The following HKDC1 variants were observed in gnomAD, a reference collection of about 807,000 sequenced individuals.
The protein encoded by HKDC1 is hexokinase HKDC1.
In HKDC1, 66 loss-of-function variants were observed where a neutral mutation model predicts 96.6. That is an observed-to-expected ratio of 0.68 (90% CI 0.56 to 0.84). The LOEUF is 0.84. HKDC1 is among the 40% of genes least tolerant of loss of function. The pLI is 0.00. For missense variants in HKDC1, 1,211 were observed against 1,208.1 expected (o/e 1.00, Z -0.04); for synonymous variants, 466 against 473.1 (o/e 0.98, Z 0.20).
chr10:69,220,610 C>G, intron 1 of HKDC1, 112 bp downstream of exon 1: 1 of 691,808 alleles, frequency 1.4e-6, no homozygotes, highest in Non-Finnish European at 2.3e-6. Flanking sequence ...AGAAAAGATA[C>G]TGGGAGCATA....
rs569608023 is a variant in HKDC1 at position 69,258,831 on chromosome 10, G to C, written c.2088G>C (p.Glu696Asp). The C allele has an allele frequency of 2.5e-6, 4 of 1,613,862 alleles. No homozygotes were observed. In the South Asian group the frequency reaches 3.3e-5, roughly 13 times the overall value. The change falls in exon 15 of 18, where the codon GAG becomes GAC. Residue 696 changes from glutamate to aspartate, a missense_variant. Transcript: ENST00000354624. Reference protein sequence around the residue: ...MEDMRNIEMVEGGEGKMCINT... With the variant: ...MEDMRNIEMVDGGEGKMCINT... ...ACATGAGGAACATCGAGATGGTGGAGGGGGGTGAAGGGAAGATGTGCATCA... is the reference window on the plus strand; with the variant it reads ...ACATGAGGAACATCGAGATGGTGGACGGGGGTGAAGGGAAGATGTGCATCA...
intron 10 of HKDC1, chr10:69,249,020 C>T: frequency 3.6e-6 from 1 of 278,086 alleles, no homozygotes; most frequent in East Asian, 6.7e-5. Context: ...CCCCGACCCC[C>T]AGATCCTGAC....
At chr10:69,259,113 A>G (rs1375318035) in intron 15 of HKDC1, among the ~76,000 whole-genome samples, 154 bp downstream of exon 15, 1 of 152,228 alleles carries the variant, frequency 6.6e-6, no homozygotes, top group Non-Finnish European at 1.5e-5. Flanking sequence ...AAATATGATG[A>G]CAAGTTTGCA....
rs558268145 is a variant in HKDC1, at chr10:69,251,147, T to C, written c.1836+495T>C. Among the ~76,000 whole-genome samples, 3 of 140,392 alleles carry C rather than the reference T, an allele frequency of 2.1e-5. No individual in the cohort carries two copies. The East Asian group carries it at 6.2e-4, about 29-fold the overall frequency. 92.1% of individuals were successfully genotyped at this position (140,392 alleles called of 152,430 possible). On this transcript the variant is annotated intron_variant, in intron 12 of 17. Coordinates refer to ENST00000354624, the MANE Select transcript of HKDC1 (RefSeq NM_025130.4). ...TTTGCTCTTGTCACCCAGGCTGGAGTGCAAGGGCGTGATCTCGGCTCACTG... is the reference window on the plus strand; with the variant it reads ...TTTGCTCTTGTCACCCAGGCTGGAGCGCAAGGGCGTGATCTCGGCTCACTG...
At chr10:69,240,829 G>T in intron 6 of HKDC1, 78 bp downstream of exon 6, 1 of 1,044,672 alleles carries the variant, frequency 9.6e-7, no homozygotes, top group Non-Finnish European at 1.5e-6. Flanking sequence ...AGCTCTGAGT[G>T]AATTCGGCGG....
chr10:69,227,340 C>A lies in HKDC1; in HGVS notation c.197C>A (p.Thr66Asn), dbSNP rs74138158. The stretch of plus-strand genomic sequence containing the variant: ...ACGGCTGCAGTGAAGATGTTGCCCA[C>A]CTTCGTCAGGGCCATTCCCGATGGT... ...NPTAAVKMLP[T>N]FVRAIPDGSE... Residue 66 changes from threonine (T) to asparagine (N), a missense_variant, in exon 2 of 18, where the codon ACC becomes AAC. By Grantham distance (65) the Thr-to-Asn change is moderately conservative. Transcript: ENST00000354624. 1 of 1,614,220 alleles carries A rather than the reference C, an allele frequency of 6.2e-7. No homozygotes were observed. Among genetic ancestry groups the A allele is most frequent in the South Asian group, 1.1e-5 (1 of 91,084 alleles).
Position 69,266,737 on chromosome 10 carries a change from C to T in HKDC1, c.2734C>T (p.Gln912Ter). 1 of 1,613,008 alleles carries T rather than the reference C, an allele frequency of 6.2e-7. No homozygotes were observed. Reference protein sequence around the residue: ...LITAVAKRLQQAQKEN With the variant: ...LITAVAKRLQ ...CACTGCTGTGGCCAAGAGGTTACAGCAGGCACAGAAGGAGAACTAGGAACC... is the reference window on the plus strand; with the variant it reads ...CACTGCTGTGGCCAAGAGGTTACAGTAGGCACAGAAGGAGAACTAGGAACC... The change falls in exon 18 of 18, where the codon CAG becomes TAG. Residue 912 changes from glutamine (Q) to a stop codon, truncating the protein, a stop_gained. Transcript: ENST00000354624. LOFTEE classifies it high-confidence loss of function.
At chr10:69,251,741 A>G (rs972506526) in intron 12 of HKDC1, among the ~76,000 whole-genome samples, 1 of 151,350 alleles carries the variant, frequency 6.6e-6, no homozygotes, top group East Asian at 2.0e-4. Context: ...TGATGCTATT[A>G]TAAATGGAAT....
intron 16 of HKDC1, among the ~76,000 whole-genome samples, chr10:69,264,186 T>G (rs1308370549): frequency 2.7e-5 from 4 of 149,796 alleles, no homozygotes; most frequent in Non-Finnish European, 5.9e-5. Flanking sequence ...AATGTCTGAA[T>G]AGATTTCCTT....
At position 69,257,092 on chromosome 10, in the gene HKDC1, C is replaced by T. The variant is rs377379406; in HGVS notation, c.1893C>T (p.Asp631=). 3.3e-5 allele frequency: 53 copies of T among 1,613,952 alleles called. No individual in the cohort carries two copies. The highest frequency in any genetic ancestry group is 4.0e-5 in the African/African-American group (3 of 74,918). ...GFKATDCEGE[D]VVDMLREAIK... is the part of the protein sequence containing the mutation. ...AGGCCACTGACTGTGAAGGGGAGGA[C>T]GTGGTGGACATGCTCAGGGAAGCCA... The change falls in exon 13 of 18, where the codon GAC becomes GAT. Residue 631 remains aspartate (D), a synonymous_variant. Transcript: ENST00000354624.
chr10:69,249,641 G>A (rs1413449150), intron 10 of HKDC1, among the ~76,000 whole-genome samples: 5 of 152,114 alleles, frequency 3.3e-5, no homozygotes, highest in South Asian at 4.1e-4. Flanking sequence ...GACTACAGGC[G>A]CCCAGCACCA....
At chr10:69,266,459 T>C (rs542088787) in intron 17 of HKDC1, 151 bp from the exon 18 acceptor site, 3 of 521,176 alleles carry the variant, frequency 5.8e-6, no homozygotes, top group African/African-American at 4.1e-5. Flanking sequence ...AGTGAGACCA[T>C]GTCTAAAAAA....
chr10:69,257,469 C>A (rs1468141451), intron 14 of HKDC1, 43 bp downstream of exon 14: 4 of 1,394,070 alleles, frequency 2.9e-6, no homozygotes. Flanking sequence ...CCCACTGTAT[C>A]CATTGATGGT....
At chr10:69,255,428 A>G (rs1843703714) in intron 12 of HKDC1, among the ~76,000 whole-genome samples, 1 of 152,158 alleles carries the variant, frequency 6.6e-6, no homozygotes. Context: ...GTGAGGCGGC[A>G]TCCAGCCACG....
intron 1 of HKDC1, among the ~76,000 whole-genome samples, 172 bp downstream of exon 1, chr10:69,220,670 C>G (rs925492051): frequency 1.3e-5 from 2 of 152,184 alleles, no homozygotes; most frequent in African/African-American, 4.8e-5. Context: ...CTCCCACACT[C>G]CTGGGCATTG....
At position 69,258,783 on chromosome 10, in the gene HKDC1, C is replaced by G. The variant is rs1211673629; in HGVS notation, c.2040C>G (p.Gly680=). Residue 680 remains glycine (G), a synonymous_variant, in exon 15 of 18, where the codon GGC becomes GGG. Coordinates refer to ENST00000354624, the MANE Select transcript of HKDC1 (RefSeq NM_025130.4). ...CTTCACAATTCCTTCTAGGAACAGG[C>G]AGCAACATGTGCTACATGGAGGACA... ...NCEIGLIAGT[G]SNMCYMEDMR... is the part of the protein sequence containing the mutation. 1 of 1,613,934 alleles carries G rather than the reference C, an allele frequency of 6.2e-7. No homozygotes were observed. The highest frequency in any genetic ancestry group is 8.5e-7 in the Non-Finnish European group (1 of 1,179,976).
intron 2 of HKDC1, among the ~76,000 whole-genome samples, chr10:69,229,400 C>T (rs963148578): frequency 7.2e-5 from 11 of 152,216 alleles, no homozygotes; most frequent in South Asian, 2.1e-4. Context: ...CGTTGAGCTT[C>T]GGAGAGAGAC....
At chr10:69,240,252 G>A (rs994753471) in intron 5 of HKDC1, among the ~76,000 whole-genome samples, 2 of 152,080 alleles carry the variant, frequency 1.3e-5, no homozygotes, top group Non-Finnish European at 2.9e-5. Flanking sequence ...TTGAGGCTGT[G>A]GTGTGCTATG....
chr10:69,226,496 T>A (rs2394530), intron 1 of HKDC1, among the ~76,000 whole-genome samples: 73,473 of 150,138 alleles, frequency 0.49, 18,660 homozygotes, highest in Non-Finnish European at 0.58. Context: ...AAAATAAAAA[T>A]AAAAAAAAAT....
Sources: allele counts gnomAD v4.1 joint callset (sites outside exome capture counted in the v4.1 genomes callset), GRCh38; gene constraint gnomAD v4.1.1; transcripts MANE v1.5; gene names NCBI Gene and HGNC (gene_info 2026-07-23, HGNC 2026-07-21).